RABGAP1: variants seen among roughly 807,000 people sequenced by gnomAD.
RABGAP1 encodes RAB GTPase activating protein 1, also known as rab GTPase-activating protein 1.
In RABGAP1, 23 loss-of-function variants were observed where a neutral mutation model predicts 137.6. The ratio of observed to expected loss-of-function variants is 0.17; its 90% confidence interval spans 0.12 to 0.24. RABGAP1 has a LOEUF of 0.24. RABGAP1 is among the 10% of genes least tolerant of loss of function. The pLI, the probability that RABGAP1 is intolerant of heterozygous loss-of-function variation, is 1.00. For synonymous variants in RABGAP1, 451 were observed against 450.7 expected (o/e 1.00, Z -0.01); for missense variants, 906 against 1,275.8 (o/e 0.71, Z 4.42).
chr9:122,985,764 G>A (rs1381629368), intron 3 of RABGAP1, among the ~76,000 whole-genome samples: 2 of 152,114 alleles, frequency 1.3e-5, no homozygotes, highest in Non-Finnish European at 1.5e-5. Context: ...GATTGAGACC[G>A]ACTCTAATAG....
intron 13 of RABGAP1, among the ~76,000 whole-genome samples, chr9:123,053,486 C>G (rs1374774710): frequency 2.0e-5 from 3 of 151,978 alleles, no homozygotes; most frequent in African/African-American, 7.2e-5. Context: ...AATTTTTATC[C>G]CATCTGTTTA....
chr9:123,020,684 T>C (rs942124686), intron 13 of RABGAP1, among the ~76,000 whole-genome samples: 1 of 152,136 alleles, frequency 6.6e-6, no homozygotes, highest in African/African-American at 2.4e-5. Context: ...TTCTAGCCCA[T>C]TGTATATCCA....
chr9:123,017,609 C>G (rs1286268418), intron 12 of RABGAP1, among the ~76,000 whole-genome samples: 1 of 152,172 alleles, frequency 6.6e-6, no homozygotes, highest in Non-Finnish European at 1.5e-5. Context: ...TACTTTTAAG[C>G]TGTGTGGTCT....
intron 13 of RABGAP1, among the ~76,000 whole-genome samples, chr9:123,047,385 T>C (rs1424216390): frequency 6.6e-6 from 1 of 152,204 alleles, no homozygotes; most frequent in South Asian, 2.1e-4. Context: ...TAGTAACTTT[T>C]AAAGTAGCTG....
At chr9:122,986,535 T>C (rs1836380555) in intron 4 of RABGAP1, 116 bp downstream of exon 4, 1 of 1,143,264 alleles carries the variant, frequency 8.7e-7, no homozygotes. Context: ...TTGTGTAACG[T>C]TTCATTTACC....
intron 19 of RABGAP1, among the ~76,000 whole-genome samples, chr9:123,082,760 G>T (rs1427449577): frequency 6.6e-6 from 1 of 152,202 alleles, no homozygotes; most frequent in Non-Finnish European, 1.5e-5. Flanking sequence ...TGTAAGAAAA[G>T]ATACTAGTAC....
intron 2 of RABGAP1, among the ~76,000 whole-genome samples, chr9:122,968,456 C>A (rs931978270): frequency 6.6e-6 from 1 of 152,072 alleles, no homozygotes; most frequent in African/African-American, 2.4e-5. Flanking sequence ...TTCGTGGCCT[C>A]AAGTAATCTG....
At chr9:122,961,450 C>T (rs531481531) in intron 2 of RABGAP1, among the ~76,000 whole-genome samples, 47 of 152,266 alleles carry the variant, frequency 3.1e-4, no homozygotes, top group African/African-American at 1.1e-3. Flanking sequence ...ACGGAAGGTT[C>T]CTTGAAGTAA....
intron 15 of RABGAP1, among the ~76,000 whole-genome samples, chr9:123,073,100 A>C (rs1043783391): frequency 2.0e-5 from 3 of 152,216 alleles, no homozygotes; most frequent in Non-Finnish European, 2.9e-5. Context: ...TGCTAGAATG[A>C]AATAGCAGCT....
At chr9:122,974,555 G>C (rs1475178181) in intron 2 of RABGAP1, among the ~76,000 whole-genome samples, 1 of 151,856 alleles carries the variant, frequency 6.6e-6, no homozygotes, top group Non-Finnish European at 1.5e-5. Flanking sequence ...ACTTTGGGAG[G>C]TGGAGGCAGG....
chr9:123,087,979 C>CCTA (rs2034920265), intron 19 of RABGAP1, among the ~76,000 whole-genome samples: 1 of 151,996 alleles, frequency 6.6e-6, no homozygotes, highest in Non-Finnish European at 1.5e-5. Context: ...GGCAGATTTC[C>CCTA]ACGTCAGCAC....
chr9:123,053,460 C>G (rs2033571362), intron 13 of RABGAP1, among the ~76,000 whole-genome samples: 1 of 152,164 alleles, frequency 6.6e-6, no homozygotes, highest in Non-Finnish European at 1.5e-5. Context: ...CTTTCAATTT[C>G]ATTTTCCTTC....
At position 123,079,239 on chromosome 9, in the gene RABGAP1, GTTTTT is replaced by G. The variant is rs56098560; in HGVS notation, c.2424+2491_2424+2495del. On this transcript the variant is annotated intron_variant, in intron 19 of 25. Coordinates refer to ENST00000373647, the MANE Select transcript of RABGAP1 (RefSeq NM_012197.4). ...TTTTTTTGTTTTTTTGTTTTGTTTT[GTTTTT>G]TTTTTTTTTTTTTGAGACAGGGTCT... Among the ~76,000 whole-genome samples, 216 of 106,696 alleles carry G rather than the reference GTTTTT, an allele frequency of 2.0e-3. 4 individuals are homozygous for G. Among genetic ancestry groups the G allele is most frequent in the East Asian group, 0.019 (87 of 4,590 alleles). The allele number at this position is 106,696 out of a possible 152,430, so 70.0% of individuals were successfully genotyped here.
chr9:122,945,819 T>C lies in RABGAP1; in HGVS notation c.-50+4726T>C, dbSNP rs115941607. The stretch of plus-strand genomic sequence containing the variant: ...AACATAATGTTACTAAGTCAAACTT[T>C]AACAACAATTTGACTGTTTTAAAAC... On this transcript the variant is annotated intron_variant, in intron 1 of 25. Coordinates refer to ENST00000373647, the MANE Select transcript of RABGAP1 (RefSeq NM_012197.4). Among the ~76,000 whole-genome samples, 444 of 152,332 alleles carry C rather than the reference T, an allele frequency of 2.9e-3. 2 individuals are homozygous for C. The highest frequency in any genetic ancestry group is 0.01 in the African/African-American group (420 of 41,578).
At chr9:122,958,057 A>G (rs963188324) in intron 2 of RABGAP1, among the ~76,000 whole-genome samples, 1 of 152,152 alleles carries the variant, frequency 6.6e-6, no homozygotes, top group African/African-American at 2.4e-5. Context: ...TTCTATCCCT[A>G]CTGCTCAGTT....
intron 1 of RABGAP1, among the ~76,000 whole-genome samples, chr9:122,945,048 G>A (rs1833864682): frequency 6.7e-6 from 1 of 150,004 alleles, no homozygotes; most frequent in South Asian, 2.1e-4. Context: ...GTTTTACTGA[G>A]TTTACATAGT....
At chr9:123,002,822 A>G (rs1837397696) in intron 10 of RABGAP1, among the ~76,000 whole-genome samples, 7 of 152,316 alleles carry the variant, frequency 4.6e-5, no homozygotes, top group Admixed American at 3.9e-4. Flanking sequence ...ACATACCTGA[A>G]ATGCAGCCTA....
chr9:123,069,620 C>T (rs1026924649), intron 14 of RABGAP1, among the ~76,000 whole-genome samples: 11 of 151,052 alleles, frequency 7.3e-5, no homozygotes, highest in Non-Finnish European at 1.2e-4. Context: ...CTGGCTCACA[C>T]CTGTAATCCC....
At chr9:123,081,947 C>T (rs973399811) in intron 19 of RABGAP1, among the ~76,000 whole-genome samples, 3 of 152,128 alleles carry the variant, frequency 2.0e-5, no homozygotes, top group African/African-American at 7.2e-5. Flanking sequence ...CTTTCCAACG[C>T]ATTCCACTGT....
Sources: allele counts gnomAD v4.1 joint callset (sites outside exome capture counted in the v4.1 genomes callset), GRCh38; gene constraint gnomAD v4.1.1; transcripts MANE v1.5; gene names NCBI Gene and HGNC (gene_info 2026-07-23, HGNC 2026-07-21).